The following SCD5 variants were observed in gnomAD, a reference collection of about 807,000 sequenced individuals.
SCD5 encodes the protein acyl-CoA-desaturase 4.
In SCD5, 20 loss-of-function variants were observed where a neutral mutation model predicts 30.4. The ratio of observed to expected loss-of-function variants is 0.66; its 90% confidence interval spans 0.46 to 0.96. The LOEUF is 0.96. Ranked by LOEUF, SCD5 falls within the 40% of genes least tolerant of loss-of-function variation. The pLI, the probability that SCD5 is intolerant of heterozygous loss-of-function variation, is 0.00. For synonymous variants in SCD5, 173 were observed against 176.4 expected (o/e 0.98, Z 0.16); for missense variants, 381 against 443.3 (o/e 0.86, Z 1.26).
At chr4:82,775,415 A>G (rs1230708201) in intron 1 of SCD5, 1 of 152,302 alleles carries the variant, frequency 6.6e-6, no homozygotes, top group Non-Finnish European at 1.5e-5. Context: ...CAGATAAAGG[A>G]AAGTGGGGGA....
rs540767394 is a variant in SCD5, at chr4:82,795,041, G to A, written c.232+3265C>T. Among the ~76,000 whole-genome samples, 14 of 152,254 alleles carry A rather than the reference G, an allele frequency of 9.2e-5. 1 individual carries two copies. In the South Asian group the frequency reaches 2.1e-3, roughly 23 times the overall value. On this transcript the variant is annotated intron_variant, in intron 1 of 4. Coordinates refer to ENST00000319540, the MANE Select transcript of SCD5 (RefSeq NM_001037582.3). ...CTGACAGCCTGCCCACTCATAAAAC[G>A]AAAAGGATAAAAAGGGAAAACAACA...
chr4:82,646,239 C>T (rs1188516458), intron 3 of SCD5, among the ~76,000 whole-genome samples: 1 of 152,172 alleles, frequency 6.6e-6, no homozygotes, highest in Admixed American at 6.5e-5. Flanking sequence ...ACAATTTTTG[C>T]ACCTTGCAGG....
At chr4:82,656,297 C>T (rs1459812400) in intron 3 of SCD5, among the ~76,000 whole-genome samples, 1 of 152,084 alleles carries the variant, frequency 6.6e-6, no homozygotes. Context: ...TGTTCCCTTC[C>T]CTGTGTCCAT....
chr4:82,716,523 G>T, intron 1 of SCD5, among the ~76,000 whole-genome samples: 1 of 151,828 alleles, frequency 6.6e-6, no homozygotes, highest in Non-Finnish European at 1.5e-5. Context: ...GAAAATATTT[G>T]CGGAAGAAGC....
chr4:82,643,326 C>A (rs1401239178), intron 3 of SCD5, among the ~76,000 whole-genome samples: 1 of 152,116 alleles, frequency 6.6e-6, no homozygotes, highest in African/African-American at 2.4e-5. Flanking sequence ...TTGGTAGCAA[C>A]ATTATTCAGT....
intron 1 of SCD5, among the ~76,000 whole-genome samples, chr4:82,740,335 A>G (rs1233774682): frequency 1.3e-5 from 2 of 152,182 alleles, no homozygotes; most frequent in Non-Finnish European, 2.9e-5. Context: ...CTTCCCTAGG[A>G]GCACAAAAGT....
At chr4:82,694,629 A>C (rs894412589) in intron 2 of SCD5, among the ~76,000 whole-genome samples, 1 of 152,038 alleles carries the variant, frequency 6.6e-6, no homozygotes, top group African/African-American at 2.4e-5. Flanking sequence ...TTGTACCCCC[A>C]CCATGTGGCA....
intron 1 of SCD5, among the ~76,000 whole-genome samples, chr4:82,773,170 G>A (rs955571347): frequency 3.3e-5 from 5 of 152,086 alleles, no homozygotes; most frequent in South Asian, 2.1e-4. Context: ...CCCTCCTCCC[G>A]CATTCTGCAA....
intron 1 of SCD5, among the ~76,000 whole-genome samples, chr4:82,741,997 G>A (rs1395527809): frequency 2.0e-5 from 3 of 151,240 alleles, no homozygotes; most frequent in East Asian, 3.9e-4. Flanking sequence ...GGAAAATGGC[G>A]TGAAACCGGG....
At chr4:82,712,297 T>TATATATATATATACATA (rs1560540874) in intron 1 of SCD5, among the ~76,000 whole-genome samples, 1 of 33,766 alleles carries the variant, frequency 3.0e-5, no homozygotes. Flanking sequence ...TATATATATA[T>TATATATATATATACATA]TTTATTTTTA....
chr4:82,647,406 A>G (rs180868711), intron 3 of SCD5, among the ~76,000 whole-genome samples: 1 of 152,322 alleles, frequency 6.6e-6, no homozygotes, highest in African/African-American at 2.4e-5. Context: ...TTGGGAAAAG[A>G]GCCAATGGAG....
chr4:82,648,214 G>A lies in SCD5; in HGVS notation c.570-11391C>T, dbSNP rs545299282. On this transcript the variant is annotated intron_variant, in intron 3 of 4. Coordinates refer to ENST00000319540, the MANE Select transcript of SCD5 (RefSeq NM_001037582.3). ...CATTCCCTCTGGGAGATGTTTGGGG[G>A]AAGAATGTCTCACCAGCTCCCACCT... Among the ~76,000 whole-genome samples, 7 of 152,326 alleles carry A rather than the reference G, an allele frequency of 4.6e-5. No homozygotes were observed. The East Asian group carries it at 1.2e-3, about 25-fold the overall frequency.
intron 2 of SCD5, among the ~76,000 whole-genome samples, chr4:82,696,040 C>A (rs1719689457): frequency 6.6e-6 from 1 of 152,148 alleles, no homozygotes; most frequent in African/African-American, 2.4e-5. Flanking sequence ...TACTTGTGTT[C>A]TTCATAAGCA....
intron 4 of SCD5, among the ~76,000 whole-genome samples, chr4:82,633,334 T>C (rs969563008): frequency 6.6e-5 from 10 of 152,242 alleles, no homozygotes; most frequent in African/African-American, 2.4e-4. Flanking sequence ...TAAGGCTGAA[T>C]AGTATTCCAT....
intron 2 of SCD5, among the ~76,000 whole-genome samples, chr4:82,697,617 G>T (rs1450310510): frequency 6.6e-6 from 1 of 152,178 alleles, no homozygotes; most frequent in African/African-American, 2.4e-5. Flanking sequence ...CATCTTAGGG[G>T]TGGGGAAATT....
At chr4:82,647,340 A>G (rs529256456) in intron 3 of SCD5, among the ~76,000 whole-genome samples, 23 of 14,224 alleles carry the variant, frequency 1.6e-3, no homozygotes, top group African/African-American at 3.7e-3. Context: ...GTTTAACTCC[A>G]AAACTCTTTA....
chr4:82,712,490 G>T (rs1413833731), intron 1 of SCD5, among the ~76,000 whole-genome samples: 2 of 149,888 alleles, frequency 1.3e-5, no homozygotes, highest in East Asian at 2.0e-4. Context: ...GCTAATTTTT[G>T]TATTTTTAGT....
chr4:82,712,711 G>C (rs1035667123), intron 1 of SCD5, among the ~76,000 whole-genome samples: 1 of 152,164 alleles, frequency 6.6e-6, no homozygotes. Context: ...GAGAGACAGA[G>C]AGAATGAATG....
At chr4:82,705,146 G>T in intron 2 of SCD5, 137 bp downstream of exon 2, 1 of 1,081,080 alleles carries the variant, frequency 9.3e-7, no homozygotes, top group Non-Finnish European at 1.3e-6. Flanking sequence ...ATAAAAACTT[G>T]GGACAGACTG....
Sources: gnomAD v4.1 joint callset for allele counts (sites outside exome capture counted in the v4.1 genomes callset) on GRCh38, gnomAD v4.1.1 for gene constraint, MANE v1.5 for transcripts, NCBI Gene and HGNC (gene_info 2026-07-23, HGNC 2026-07-21) for gene names.